NOTCH2: variants seen among roughly 807,000 people sequenced by gnomAD.
The protein encoded by NOTCH2 is neurogenic locus notch homolog protein 2.
A neutral mutation model predicts 235.8 loss-of-function variants in NOTCH2; 29 were observed. The ratio of observed to expected loss-of-function variants is 0.12; its 90% confidence interval spans 0.09 to 0.17. The LOEUF (loss-of-function observed/expected upper bound fraction) is 0.17, where lower values mean the gene tolerates loss of function less well. Ranked by LOEUF, NOTCH2 falls within the 10% of genes least tolerant of loss-of-function variation. The pLI, the probability that NOTCH2 is intolerant of heterozygous loss-of-function variation, is 1.00. For synonymous variants in NOTCH2, 1,086 were observed against 1,141.5 expected (o/e 0.95, Z 0.98); for missense variants, 2,285 against 3,150.2 (o/e 0.73, Z 6.57).
chr1:119,974,868 T>C (rs782067097), intron 5 of NOTCH2, among the ~76,000 whole-genome samples: 28 of 152,206 alleles, frequency 1.8e-4, no homozygotes, highest in Non-Finnish European at 2.8e-4. Flanking sequence ...CTTCCCCATT[T>C]CGCTATAAGC....
chr1:119,975,414 G>T (rs1651535250), intron 5 of NOTCH2, among the ~76,000 whole-genome samples: 1 of 152,150 alleles, frequency 6.6e-6, no homozygotes, highest in Non-Finnish European at 1.5e-5. Flanking sequence ...TTGGAAGGCT[G>T]AGGCAGGTGG....
chr1:120,039,409 C>CTTT (rs1170358326), intron 1 of NOTCH2, among the ~76,000 whole-genome samples: 7 of 127,050 alleles, frequency 5.5e-5, no homozygotes, highest in African/African-American at 9.2e-5. Flanking sequence ...CTTTTTAAAG[C>CTTT]TTTTTTTTTT....
intron 12 of NOTCH2, among the ~76,000 whole-genome samples, chr1:119,957,016 A>G (rs1650728266): frequency 6.6e-6 from 1 of 152,236 alleles, no homozygotes; most frequent in Non-Finnish European, 1.5e-5. Flanking sequence ...TTGGTGTTTA[A>G]TAAATGAAAA....
rs1232850216 is a variant in NOTCH2 at position 119,913,659 on chromosome 1, CAG to C, written c.*1645_*1646del. 1.7e-5 allele frequency: 4 copies of C among 233,136 alleles called. No individual in the cohort carries two copies. Among genetic ancestry groups the C allele is most frequent in the African/African-American group, 8.8e-5 (4 of 45,354 alleles). 14.4% of individuals were successfully genotyped at this position (233,136 alleles called of 1,614,324 possible). A position where few individuals can be genotyped will look rare whatever the true frequency, so the allele number is the denominator to read the frequency against. Reference sequence around the variant, plus strand: ...AAAGAAATTGCCAAGAGCATGAATACAGAGAGTGGATTCAGGTGAGGGGCAAT... The same window carrying C: ...AAAGAAATTGCCAAGAGCATGAATACAGAGTGGATTCAGGTGAGGGGCAAT... On this transcript the variant is annotated 3_prime_UTR_variant, in exon 34 of 34. Transcript: ENST00000256646.
At chr1:119,999,968 AAAGAAAGAAAGGAAGGAAGGAAGG>A (rs1458132929) in intron 3 of NOTCH2, among the ~76,000 whole-genome samples, 179 of 101,360 alleles carry the variant, frequency 1.8e-3, no homozygotes, top group African/African-American at 6.8e-3. Context: ...AGAAAGAAAG[AAAGAAAGAAAGGAAGGAAGGAAGG>A]AAGGAAGGAA....
intron 6 of NOTCH2, among the ~76,000 whole-genome samples, 182 bp downstream of exon 6, chr1:119,969,329 T>C (rs1557826570): frequency 6.6e-6 from 1 of 152,226 alleles, no homozygotes; most frequent in Non-Finnish European, 1.5e-5. Context: ...CCTAAAGTCC[T>C]AAAGAGGAAG....
intron 5 of NOTCH2, 44 bp from the exon 6 acceptor site, chr1:119,969,788 A>C: frequency 6.5e-7 from 1 of 1,529,914 alleles, no homozygotes; most frequent in Non-Finnish European, 9.1e-7. Flanking sequence ...TTGAGTCTCA[A>C]AGGACTAGTA....
intron 15 of NOTCH2, 60 bp downstream of exon 15, chr1:119,950,664 G>T: frequency 9.6e-7 from 1 of 1,043,150 alleles, no homozygotes; most frequent in Non-Finnish European, 1.5e-6. Flanking sequence ...TGAGACTCAG[G>T]CACTGACAAA....
chr1:119,987,154 A>G (rs1268848692), intron 4 of NOTCH2, 72 bp from the exon 5 acceptor site: 2 of 1,574,744 alleles, frequency 1.3e-6, no homozygotes, highest in Non-Finnish European at 1.7e-6. Flanking sequence ...TTCCCACAGA[A>G]CATGGTTATT....
chr1:120,069,152 GCGGGGCACCACGGGAGGGGCC>G, intron 1 of NOTCH2, 161 bp downstream of exon 1: 23 of 1,527,508 alleles, frequency 1.5e-5, no homozygotes, highest in Non-Finnish European at 2.0e-5. Flanking sequence ...CCGGCGGTTG[GCGGGGCACCACGGGAGGGGCC>G]CCCGGCGATG....
chr1:119,955,297 A>G (rs1159155317), intron 12 of NOTCH2, 65 bp from the exon 13 acceptor site: 5 of 1,526,034 alleles, frequency 3.3e-6, no homozygotes, highest in Non-Finnish European at 3.6e-6. Flanking sequence ...CAGAACTATA[A>G]GACACGTTAT....
intron 5 of NOTCH2, among the ~76,000 whole-genome samples, chr1:119,973,648 G>C (rs1338964801): frequency 6.6e-6 from 1 of 152,046 alleles, no homozygotes; most frequent in Non-Finnish European, 1.5e-5. Context: ...AGAAGGCATA[G>C]GTGCATAAGA....
rs1473394077 is a variant in NOTCH2 at position 120,058,773 on chromosome 1, G to GA, written c.73+10560dup. On this transcript the variant is annotated intron_variant, in intron 1 of 33. Coordinates refer to ENST00000256646, the MANE Select transcript of NOTCH2 (RefSeq NM_024408.4). ...AAACAATATCTTCATCTTTAAAATGGAAAAAACTGAGGCAGAGAAATGTTG... is the reference window on the plus strand; with the variant it reads ...AAACAATATCTTCATCTTTAAAATGGAAAAAAACTGAGGCAGAGAAATGTTG... Among the ~76,000 whole-genome samples the GA allele has an allele frequency of 2.4e-4, 28 of 116,458 alleles. 1 individual carries two copies. Among genetic ancestry groups the GA allele is most frequent in the Non-Finnish European group, 4.1e-4 (25 of 60,482 alleles). The allele number at this position is 116,458 out of a possible 152,430, so 76.4% of individuals were successfully genotyped here. A position where few individuals can be genotyped will look rare whatever the true frequency, so the allele number is the denominator to read the frequency against.
At chr1:120,014,345 G>C (rs1553207527) in intron 2 of NOTCH2, among the ~76,000 whole-genome samples, 1 of 152,242 alleles carries the variant, frequency 6.6e-6, no homozygotes, top group Non-Finnish European at 1.5e-5. Context: ...CAAGCAGATT[G>C]CTAGAGCAGA....
chr1:120,002,397 A>C (rs1570735479), intron 3 of NOTCH2, among the ~76,000 whole-genome samples: 1 of 151,092 alleles, frequency 6.6e-6, no homozygotes, highest in African/African-American at 2.4e-5. Flanking sequence ...GGAATACAGG[A>C]GATCCATTAG....
intron 21 of NOTCH2, 87 bp downstream of exon 21, chr1:119,937,195 C>G: frequency 1.6e-6 from 2 of 1,282,690 alleles, no homozygotes; most frequent in African/African-American, 1.5e-5. Context: ...ATATAAGATA[C>G]AAGCAGCTAA....
chr1:119,937,820 G>A (rs782389533), intron 20 of NOTCH2, 37 bp downstream of exon 20: 1 of 1,610,916 alleles, frequency 6.2e-7, no homozygotes, highest in Non-Finnish European at 8.5e-7. Context: ...AGTCAATACT[G>A]CAGTGAATGA....
At chr1:120,017,790 T>A (rs1236355868) in intron 2 of NOTCH2, among the ~76,000 whole-genome samples, 1 of 149,904 alleles carries the variant, frequency 6.7e-6, no homozygotes, top group African/African-American at 2.5e-5. Flanking sequence ...CAGAGAGGCA[T>A]GTGTGCATGT....
intron 28 of NOTCH2, 51 bp from the exon 29 acceptor site, chr1:119,921,860 C>T (rs767014720): frequency 3.4e-6 from 5 of 1,453,980 alleles, no homozygotes; most frequent in Non-Finnish European, 3.9e-6. Flanking sequence ...TAAACTAATA[C>T]AGTGGTTTTC....
Sources: gnomAD v4.1 joint callset for allele counts (sites outside exome capture counted in the v4.1 genomes callset) on GRCh38, gnomAD v4.1.1 for gene constraint, MANE v1.5 for transcripts, NCBI Gene and HGNC (gene_info 2026-07-23, HGNC 2026-07-21) for gene names.